Variants in ACSS3 observed in about 807,000 individuals in gnomAD.
ACSS3 encodes the protein acyl-CoA synthetase short chain family member 3.
Under a neutral mutation model 84.2 loss-of-function variants are expected in ACSS3, and 64 were observed. That is an observed-to-expected ratio of 0.76 (90% confidence interval 0.62 to 0.94). ACSS3 has a LOEUF of 0.94. Among genes scored for constraint, ACSS3 ranks in the 40% least tolerant of loss-of-function variants. The probability of loss-of-function intolerance (pLI) is 0.00; values close to 1 mark genes in which losing one functional copy is unlikely to be tolerated. For missense variants in ACSS3, 815 were observed against 867.6 expected, an observed-to-expected ratio of 0.94 and a Z score of 0.76; for synonymous variants, 317 against 310.1, an observed-to-expected ratio of 1.02 and a Z score of -0.23.
chr12:81,172,705 ACTGTATTTT>A, intron 7 of ACSS3, among the ~76,000 whole-genome samples: 1 of 152,306 alleles, frequency 6.6e-6, no homozygotes, highest in East Asian at 1.9e-4. Context: ...ATGGTATAGG[ACTGTATTTT>A]CAATATTTGA....
chr12:81,114,469 A>G lies in ACSS3; in HGVS notation c.456+4765A>G, dbSNP rs113355757. On this transcript the variant is annotated intron_variant, in intron 2 of 15. Coordinates refer to ENST00000548058, the MANE Select transcript of ACSS3 (RefSeq NM_024560.4). Reference sequence around the variant, plus strand: ...ACATTTTTTCATCTGTCATATCAGTATTTCCTTAAGCAAACACTTAAGACA... The same window carrying G: ...ACATTTTTTCATCTGTCATATCAGTGTTTCCTTAAGCAAACACTTAAGACA... 6.3e-3 allele frequency among the ~76,000 whole-genome samples: 952 copies of G among 152,204 alleles called. 9 individuals carry two copies. Among genetic ancestry groups the G allele is most frequent in the African/African-American group, 0.022 (906 of 41,542 alleles).
intron 13 of ACSS3, among the ~76,000 whole-genome samples, chr12:81,241,089 G>T (rs1358199112): frequency 9.5e-5 from 14 of 147,956 alleles, no homozygotes; most frequent in African/African-American, 3.0e-4. Flanking sequence ...TGTGGTGTTT[G>T]GTTTTTTGTT....
intron 1 of ACSS3, among the ~76,000 whole-genome samples, chr12:81,080,651 A>G (rs1342271245): frequency 6.6e-6 from 1 of 152,196 alleles, no homozygotes; most frequent in Non-Finnish European, 1.5e-5. Context: ...ATTTGAATCT[A>G]TGACTGCATT....
At chr12:81,204,893 A>C (rs1228640385) in intron 9 of ACSS3, among the ~76,000 whole-genome samples, 4 of 152,164 alleles carry the variant, frequency 2.6e-5, no homozygotes, top group African/African-American at 9.6e-5. Flanking sequence ...GATAATTCAC[A>C]GAATTTGTTA....
intron 7 of ACSS3, among the ~76,000 whole-genome samples, chr12:81,153,441 T>C (rs1012111187): frequency 6.6e-6 from 1 of 151,156 alleles, no homozygotes; most frequent in African/African-American, 2.4e-5. Context: ...AAATTGGGAA[T>C]GGCTAGTCTG....
Position 81,200,187 on chromosome 12 carries a change from T to C in ACSS3, c.1354+743T>C, listed in dbSNP as rs563475233. On this transcript the variant is annotated intron_variant, in intron 9 of 15. Transcript: ENST00000548058. Reference sequence around the variant, plus strand: ...TCTGCTGCTTCTTTTGAGGGATGGCTATATATATGAGAATGGGTACATTGT... The same window carrying C: ...TCTGCTGCTTCTTTTGAGGGATGGCCATATATATGAGAATGGGTACATTGT... Among the ~76,000 whole-genome samples the C allele has an allele frequency of 1.6e-3, 240 of 152,274 alleles. 1 individual carries two copies. The highest frequency in any genetic ancestry group is 6.8e-3 in the Middle Eastern group (2 of 294).
At chr12:81,142,453 T>A (rs1313768009) in intron 4 of ACSS3, among the ~76,000 whole-genome samples, 1 of 152,226 alleles carries the variant, frequency 6.6e-6, no homozygotes, top group Non-Finnish European at 1.5e-5. Flanking sequence ...AAGGAGTATC[T>A]GTTTAACTCA....
chr12:81,127,044 A>G (rs1339963735), intron 2 of ACSS3, among the ~76,000 whole-genome samples: 1 of 151,782 alleles, frequency 6.6e-6, no homozygotes, highest in Non-Finnish European at 1.5e-5. Flanking sequence ...ATAAATAATA[A>G]TACATTTTAC....
At chr12:81,199,468 A>C (rs201299836) in intron 9 of ACSS3, 24 bp downstream of exon 9, 1 of 1,593,260 alleles carries the variant, frequency 6.3e-7, no homozygotes, top group South Asian at 1.1e-5. Context: ...TAGCATGTAC[A>C]TAAATAGTAA....
chr12:81,251,612 G>T (rs1474610625), intron 13 of ACSS3, among the ~76,000 whole-genome samples: 1 of 144,776 alleles, frequency 6.9e-6, no homozygotes, highest in Non-Finnish European at 1.5e-5. Context: ...CAGGTAGATT[G>T]CTTGAGCCCA....
intron 8 of ACSS3, among the ~76,000 whole-genome samples, chr12:81,194,549 A>G (rs1230037020): frequency 6.6e-6 from 1 of 151,882 alleles, no homozygotes; most frequent in African/African-American, 2.4e-5. Flanking sequence ...TTTTAATGGA[A>G]ATGGAAGGGA....
At chr12:81,189,858 A>G (rs1189862606) in intron 8 of ACSS3, among the ~76,000 whole-genome samples, 2 of 152,124 alleles carry the variant, frequency 1.3e-5, no homozygotes, top group African/African-American at 4.8e-5. Flanking sequence ...TATGTATGAC[A>G]TGAAGTAAGG....
chr12:81,125,023 G>A (rs928049971), intron 2 of ACSS3, among the ~76,000 whole-genome samples: 1 of 152,112 alleles, frequency 6.6e-6, no homozygotes, highest in Non-Finnish European at 1.5e-5. Flanking sequence ...AACCATCCTG[G>A]CTAACACGGT....
Position 81,259,620 on chromosome 12 carries a change from T to C in ACSS3, c.*4698T>C, listed in dbSNP as rs777550729. 4.6e-6 allele frequency: 7 copies of C among 1,531,584 alleles called. No individual in the cohort carries two copies. Among genetic ancestry groups the C allele is most frequent in the Non-Finnish European group, 6.1e-6 (7 of 1,142,950 alleles). The allele number at this position is 1,531,584 out of a possible 1,614,324, so 94.9% of individuals were successfully genotyped here. On this transcript the variant is annotated 3_prime_UTR_variant, in exon 16 of 16. Transcript: ENST00000548058. ...GGTTTTCACTGCTCGTCTTCTTAGATGGTAGTGCACTTTAGGTAGAGTAGA... is the reference window on the plus strand; with the variant it reads ...GGTTTTCACTGCTCGTCTTCTTAGACGGTAGTGCACTTTAGGTAGAGTAGA...
At chr12:81,088,200 T>C (rs1231064866) in intron 1 of ACSS3, among the ~76,000 whole-genome samples, 1 of 152,064 alleles carries the variant, frequency 6.6e-6, no homozygotes, top group Non-Finnish European at 1.5e-5. Flanking sequence ...ATAGAAGCAG[T>C]TTGGATTGCT....
At chr12:81,131,795 C>T (rs2121549808) in intron 2 of ACSS3, among the ~76,000 whole-genome samples, 1 of 152,202 alleles carries the variant, frequency 6.6e-6, no homozygotes, top group East Asian at 1.9e-4. Flanking sequence ...TTTTGAGATA[C>T]ATCCCAACAA....
intron 8 of ACSS3, among the ~76,000 whole-genome samples, chr12:81,181,747 C>CAAAAAAAAAAAAAAAAAAAAAAAGAA (rs59878486): frequency 2.1e-5 from 1 of 47,918 alleles, no homozygotes; most frequent in Non-Finnish European, 3.6e-5. Flanking sequence ...ATCAATTAAG[C>CAAAAAAAAAAAAAAAAAAAAAAAGAA]AAAAAAAAAA....
chr12:81,126,085 A>G (rs976488316), intron 2 of ACSS3, among the ~76,000 whole-genome samples: 4 of 152,094 alleles, frequency 2.6e-5, no homozygotes, highest in African/African-American at 9.7e-5. Flanking sequence ...GCATAACAAG[A>G]CTCTGTATCA....
At chr12:81,213,864 C>T (rs1389305291) in intron 9 of ACSS3, among the ~76,000 whole-genome samples, 24 of 31,606 alleles carry the variant, frequency 7.6e-4, no homozygotes, top group Non-Finnish European at 1.3e-3. Context: ...TCTTCTCTTC[C>T]TTTCTTTCTT....
Sources: gnomAD v4.1 joint callset for allele counts (sites outside exome capture counted in the v4.1 genomes callset) on GRCh38, gnomAD v4.1.1 for gene constraint, MANE v1.5 for transcripts, NCBI Gene and HGNC (gene_info 2026-07-23, HGNC 2026-07-21) for gene names.